Variants in IL1RAPL2 observed in about 807,000 individuals in gnomAD.
IL1RAPL2 encodes the protein X-linked interleukin-1 receptor accessory protein-like 2.
In IL1RAPL2, 3 loss-of-function variants were observed where a neutral mutation model predicts 44.1. The observed-to-expected ratio is 0.07, with a 90% CI of 0.03 to 0.18. The LOEUF is 0.18. Among genes scored for constraint, IL1RAPL2 ranks in the 10% least tolerant of loss-of-function variants. The pLI is 1.00. For missense variants in IL1RAPL2, 391 were observed against 496.4 expected, an observed-to-expected ratio of 0.79 and a Z score of 2.02; for synonymous variants, 181 against 178.8, an observed-to-expected ratio of 1.01 and a Z score of -0.10.
At chrX:105,677,152 TCTTC>T (rs1381767424) in intron 6 of IL1RAPL2, among the ~76,000 whole-genome samples, 1 of 111,973 alleles carries the variant, frequency 8.9e-6, no homozygotes, top group Non-Finnish European at 1.9e-5. Flanking sequence ...TTTAGTTTTG[TCTTC>T]CTGTTTCCAG....
At chrX:104,928,221 ATC>A (rs1326096843) in intron 2 of IL1RAPL2, among the ~76,000 whole-genome samples, 2 of 111,628 alleles carry the variant, frequency 1.8e-5, no homozygotes, top group East Asian at 5.6e-4. Context: ...TGACTATAGT[ATC>A]TCTGTTGTGC....
chrX:104,864,381 T>C (rs981735137), intron 2 of IL1RAPL2, among the ~76,000 whole-genome samples: 1 of 112,217 alleles, frequency 8.9e-6, no homozygotes, highest in African/African-American at 3.2e-5. Flanking sequence ...TATCCTAAGA[T>C]AGCAAGGCAG....
chrX:104,784,751 T>A (rs1312907167), intron 2 of IL1RAPL2, among the ~76,000 whole-genome samples: 1 of 107,727 alleles, frequency 9.3e-6, no homozygotes, highest in African/African-American at 3.4e-5. Flanking sequence ...TGTCTTTTTA[T>A]ATCTTCTTTG....
intron 6 of IL1RAPL2, among the ~76,000 whole-genome samples, chrX:105,539,703 C>T (rs1449350749): frequency 9.0e-6 from 1 of 111,500 alleles, no homozygotes; most frequent in Admixed American, 9.5e-5. Flanking sequence ...GAGCTCTGCA[C>T]AGCAAAAGAA....
intron 2 of IL1RAPL2, among the ~76,000 whole-genome samples, chrX:104,727,443 G>A (rs963257567): frequency 1.8e-5 from 2 of 111,367 alleles, no homozygotes; most frequent in Non-Finnish European, 3.8e-5. Flanking sequence ...ACGGATCCTG[G>A]AAAGATTGCG....
chrX:105,511,488 T>C (rs1181010975), intron 6 of IL1RAPL2, among the ~76,000 whole-genome samples: 1 of 110,784 alleles, frequency 9.0e-6, no homozygotes, highest in African/African-American at 3.3e-5. Flanking sequence ...AGTTTTTTTC[T>C]AGCCACAAAG....
At chrX:104,604,805 C>T (rs1267776702) in intron 1 of IL1RAPL2, among the ~76,000 whole-genome samples, 2 of 110,808 alleles carry the variant, frequency 1.8e-5, no homozygotes, top group South Asian at 3.9e-4. Context: ...TACAGGAGCA[C>T]CCAGATTCAT....
chrX:105,249,485 TAAA>T (rs2034251560), intron 4 of IL1RAPL2, among the ~76,000 whole-genome samples: 2 of 111,514 alleles, frequency 1.8e-5, no homozygotes, highest in African/African-American at 6.5e-5. Flanking sequence ...CATTTTAAAA[TAAA>T]AAGTACAGTT....
At chrX:104,713,995 A>G (rs1476701899) in intron 2 of IL1RAPL2, among the ~76,000 whole-genome samples, 1 of 111,268 alleles carries the variant, frequency 9.0e-6, no homozygotes, top group Non-Finnish European at 1.9e-5. Flanking sequence ...AGTTTAGTGA[A>G]TGAGTCTGCT....
intron 4 of IL1RAPL2, among the ~76,000 whole-genome samples, chrX:105,249,687 AACACAGATGAC>A (rs911535228): frequency 9.0e-6 from 1 of 111,455 alleles, no homozygotes; most frequent in African/African-American, 3.2e-5. Flanking sequence ...TAAAATCGAA[AACACAGATGAC>A]ACCCAATGCT....
intron 5 of IL1RAPL2, among the ~76,000 whole-genome samples, chrX:105,400,392 C>T (rs1478447541): frequency 9.0e-6 from 1 of 111,044 alleles, no homozygotes; most frequent in Non-Finnish European, 1.9e-5. Flanking sequence ...TGTTTATATA[C>T]TTATTGTGCG....
At chrX:105,728,583 A>T (rs888782840) in intron 7 of IL1RAPL2, among the ~76,000 whole-genome samples, 4 of 111,442 alleles carry the variant, frequency 3.6e-5, no homozygotes, top group Non-Finnish European at 5.7e-5. Flanking sequence ...AGATAAGAGG[A>T]TACATTTTTT....
rs966625086 is a variant in IL1RAPL2 at position 105,272,285 on chromosome X, A to T, written c.697+4744A>T. ...TACCCTAAAACTTAAAGTATAATAA[A>T]AAAAAAAGAAGGTCAAAGGCAGACA... is the stretch of plus-strand genomic sequence containing the variant. On this transcript the variant is annotated intron_variant, in intron 5 of 10. Coordinates refer to ENST00000372582, the MANE Select transcript of IL1RAPL2 (RefSeq NM_017416.2). Among the ~76,000 whole-genome samples the T allele has an allele frequency of 9.9e-5, 11 of 111,507 alleles. No individual in the cohort carries two copies. In the South Asian group the frequency reaches 1.1e-3, roughly 12 times the overall value.
At chrX:104,986,885 A>G (rs985932517) in intron 2 of IL1RAPL2, among the ~76,000 whole-genome samples, 2 of 112,217 alleles carry the variant, frequency 1.8e-5, no homozygotes, top group East Asian at 2.8e-4. Context: ...TTTAAGTACC[A>G]AATACATGGA....
chrX:105,251,550 G>T (rs2034268627), intron 4 of IL1RAPL2, among the ~76,000 whole-genome samples: 2 of 106,786 alleles, frequency 1.9e-5, no homozygotes, highest in Non-Finnish European at 1.9e-5. Flanking sequence ...ACTTCTTTTT[G>T]TTCCTAGATA....
intron 4 of IL1RAPL2, among the ~76,000 whole-genome samples, chrX:105,245,154 T>C (rs770682090): frequency 8.0e-5 from 9 of 112,305 alleles, no homozygotes; most frequent in Non-Finnish European, 1.7e-4. Context: ...GTGAAAACTA[T>C]TGCTTTGCAT....
At chrX:105,747,697 T>C (rs187098939) in intron 8 of IL1RAPL2, among the ~76,000 whole-genome samples, 152 of 108,738 alleles carry the variant, frequency 1.4e-3, no homozygotes, top group Non-Finnish European at 1.9e-3. Flanking sequence ...TAGAGAAAGG[T>C]TGACAGTCTG....
chrX:104,925,210 C>T (rs1924744996), intron 2 of IL1RAPL2, among the ~76,000 whole-genome samples: 1 of 98,239 alleles, frequency 1.0e-5, no homozygotes, highest in South Asian at 5.1e-4. Flanking sequence ...AATAAAATGT[C>T]TCCCACCAAA....
intron 5 of IL1RAPL2, among the ~76,000 whole-genome samples, chrX:105,442,291 C>T (rs745625771): frequency 7.2e-4 from 79 of 109,552 alleles, no homozygotes; most frequent in African/African-American, 2.6e-3. Flanking sequence ...GTCTTGATCT[C>T]CTGAACTCGT....
Sources: gnomAD v4.1 joint callset for allele counts (sites outside exome capture counted in the v4.1 genomes callset) on GRCh38, gnomAD v4.1.1 for gene constraint, MANE v1.5 for transcripts, NCBI Gene and HGNC (gene_info 2026-07-23, HGNC 2026-07-21) for gene names.